Variants in TMEM117 observed in about 807,000 individuals in gnomAD.
The protein encoded by TMEM117 is transmembrane protein 117.
A neutral mutation model predicts 52.4 loss-of-function variants in TMEM117; 27 were observed. The ratio of observed to expected loss-of-function variants is 0.51; its 90% confidence interval spans 0.38 to 0.71. The LOEUF is 0.71. Ranked by LOEUF, TMEM117 falls within the 30% of genes least tolerant of loss-of-function variation. The pLI is 0.00. For missense variants in TMEM117, 556 were observed against 630.5 expected, an observed-to-expected ratio of 0.88 and a Z score of 1.26; for synonymous variants, 215 against 206.3, an observed-to-expected ratio of 1.04 and a Z score of -0.36.
intron 4 of TMEM117, among the ~76,000 whole-genome samples, chr12:44,198,683 A>G (rs764594951): frequency 3.3e-5 from 5 of 152,144 alleles, no homozygotes; most frequent in Non-Finnish European, 7.3e-5. Flanking sequence ...ATCTGAAAAT[A>G]ACTTGAGCCA....
In TMEM117 at chr12:43,865,139, G is replaced by T. The variant is rs982756281; in HGVS notation, c.277+20211G>T. On this transcript the variant is annotated intron_variant, in intron 2 of 7. Transcript: ENST00000266534. ...TAAGAACTGTAACACTCACTGCGAGGGTCCGCGGCTTCATTCTTGAAGTCA... is the reference window on the plus strand; with the variant it reads ...TAAGAACTGTAACACTCACTGCGAGTGTCCGCGGCTTCATTCTTGAAGTCA... 2.6e-5 allele frequency among the ~76,000 whole-genome samples: 4 copies of T among 152,128 alleles called. No individual in the cohort carries two copies. The East Asian group carries it at 5.8e-4, about 22-fold the overall frequency.
intron 6 of TMEM117, among the ~76,000 whole-genome samples, chr12:44,353,320 T>G (rs1951594209): frequency 6.6e-6 from 1 of 152,174 alleles, no homozygotes; most frequent in South Asian, 2.1e-4. Context: ...ATTTGTCAAT[T>G]TTGTCTTTGG....
At chr12:44,130,239 G>A (rs1948392256) in intron 3 of TMEM117, among the ~76,000 whole-genome samples, 1 of 152,078 alleles carries the variant, frequency 6.6e-6, no homozygotes, top group Non-Finnish European at 1.5e-5. Context: ...TAATTATTGT[G>A]GAGTAAATTG....
the TMEM117 span, among the ~76,000 whole-genome samples, chr12:43,820,357 T>A: frequency 6.6e-6 from 1 of 152,214 alleles, no homozygotes; most frequent in East Asian, 1.9e-4. Flanking sequence ...CACTGCAAGC[T>A]CCGCCTCCCG....
chr12:43,858,842 A>G (rs150075877), intron 2 of TMEM117, among the ~76,000 whole-genome samples: 169 of 152,270 alleles, frequency 1.1e-3, no homozygotes, highest in South Asian at 7.5e-3. Context: ...ATCATTGACA[A>G]ATGTGTTGAA....
intron 7 of TMEM117, among the ~76,000 whole-genome samples, chr12:44,384,287 T>C (rs1427032404): frequency 6.6e-6 from 1 of 152,092 alleles, no homozygotes. Flanking sequence ...GGCCATTTTT[T>C]CTACCATTTT....
At chr12:43,882,316 C>T (rs1405649609) in intron 2 of TMEM117, among the ~76,000 whole-genome samples, 3 of 150,408 alleles carry the variant, frequency 2.0e-5, no homozygotes, top group Non-Finnish European at 3.0e-5. Flanking sequence ...AAACATTAGC[C>T]AGGCTTGGTG....
intron 6 of TMEM117, among the ~76,000 whole-genome samples, chr12:44,333,390 G>C (rs985216512): frequency 6.6e-6 from 1 of 152,082 alleles, no homozygotes; most frequent in East Asian, 1.9e-4. Flanking sequence ...AATACATATT[G>C]ATATGGTTTG....
intron 2 of TMEM117, among the ~76,000 whole-genome samples, chr12:43,859,659 A>G (rs900115015): frequency 4.6e-5 from 7 of 152,172 alleles, no homozygotes; most frequent in Admixed American, 4.6e-4. Context: ...AACTGACCTC[A>G]AGTGATCAAG....
intron 3 of TMEM117, among the ~76,000 whole-genome samples, chr12:44,025,828 A>C (rs2137848882): frequency 6.6e-6 from 1 of 152,322 alleles, no homozygotes; most frequent in Non-Finnish European, 1.5e-5. Flanking sequence ...CTCCAAATTT[A>C]GATTCATTAC....
At chr12:44,248,261 G>A (rs1950155310) in intron 5 of TMEM117, among the ~76,000 whole-genome samples, 1 of 152,136 alleles carries the variant, frequency 6.6e-6, no homozygotes, top group African/African-American at 2.4e-5. Flanking sequence ...TGGGGAGGGT[G>A]CACCATTTAC....
chr12:44,023,683 T>C (rs2041410010), intron 3 of TMEM117, among the ~76,000 whole-genome samples: 1 of 151,974 alleles, frequency 6.6e-6, no homozygotes, highest in South Asian at 2.1e-4. Flanking sequence ...TTTGTTTTTT[T>C]CTTGTAAATT....
upstream of TMEM117, among the ~76,000 whole-genome samples, chr12:43,834,502 C>T (rs573471173): frequency 1.3e-5 from 2 of 152,070 alleles, no homozygotes; most frequent in East Asian, 1.9e-4. Flanking sequence ...TAAAATGTAC[C>T]AAGTGCTAGC....
intron 5 of TMEM117, among the ~76,000 whole-genome samples, chr12:44,238,382 AGAAG>A (rs1950023341): frequency 6.6e-6 from 1 of 152,084 alleles, no homozygotes; most frequent in Admixed American, 6.6e-5. Flanking sequence ...AAGGGAAAAT[AGAAG>A]GAAGGAGGGA....
intron 3 of TMEM117, among the ~76,000 whole-genome samples, chr12:43,977,037 G>A (rs538534243): frequency 3.0e-4 from 45 of 152,288 alleles, no homozygotes; most frequent in African/African-American, 1.1e-3. Context: ...ATTAGAGACT[G>A]CCCAAGTAAC....
intron 6 of TMEM117, among the ~76,000 whole-genome samples, chr12:44,326,055 C>G (rs1951191089): frequency 6.6e-6 from 1 of 152,008 alleles, no homozygotes; most frequent in Admixed American, 6.6e-5. Context: ...CCCAGCTCCT[C>G]CAGAGGCTGA....
intron 4 of TMEM117, among the ~76,000 whole-genome samples, chr12:44,172,470 T>C (rs1949060023): frequency 6.6e-6 from 1 of 152,224 alleles, no homozygotes; most frequent in Admixed American, 6.5e-5. Flanking sequence ...TACATAGCAG[T>C]TATTCTTTCT....
chr12:43,917,767 GCAAA>G (rs1302556644), intron 2 of TMEM117, among the ~76,000 whole-genome samples: 1 of 152,000 alleles, frequency 6.6e-6, no homozygotes, highest in African/African-American at 2.4e-5. Flanking sequence ...CAAGCAAAAG[GCAAA>G]CATTTTTATG....
At chr12:43,921,159 A>C (rs1944687143) in intron 2 of TMEM117, among the ~76,000 whole-genome samples, 1 of 152,086 alleles carries the variant, frequency 6.6e-6, no homozygotes, top group African/African-American at 2.4e-5. Flanking sequence ...TAAGCTTTGC[A>C]TTATTTGTTG....
Sources: allele counts gnomAD v4.1 joint callset (sites outside exome capture counted in the v4.1 genomes callset), GRCh38; gene constraint gnomAD v4.1.1; transcripts MANE v1.5; gene names NCBI Gene and HGNC (gene_info 2026-07-23, HGNC 2026-07-21).